Variants in SPTY2D1 observed in about 807,000 individuals in gnomAD.
SPTY2D1 encodes SPT2 chromatin protein domain containing 1, also known as protein SPT2 homolog.
SPTY2D1 carries 21 observed loss-of-function variants against 64.0 expected under a neutral mutation model. That is an observed-to-expected ratio of 0.33 (90% CI 0.23 to 0.47). The LOEUF is 0.47. SPTY2D1 is among the 20% of genes least tolerant of loss of function. SPTY2D1 has a pLI of 1.00. For missense variants in SPTY2D1, 724 were observed against 837.2 expected, an observed-to-expected ratio of 0.86 and a Z score of 1.67; for synonymous variants, 287 against 286.8, an observed-to-expected ratio of 1.00 and a Z score of -0.01.
chr11:18,616,119 A>G, intron 2 of SPTY2D1, 21 bp from the exon 3 acceptor site: 1 of 1,560,832 alleles, frequency 6.4e-7, no homozygotes, highest in East Asian at 2.2e-5. Context: ...CAAAACAAGA[A>G]TATGTTATTA....
chr11:18,614,984 AC>A lies in SPTY2D1; in HGVS notation c.1289del (p.Ser430MetfsTer40). The A allele has an allele frequency of 1.2e-6, 2 of 1,614,154 alleles. No homozygotes were observed. Among genetic ancestry groups the A allele is most frequent in the Non-Finnish European group, 8.5e-7 (1 of 1,180,044 alleles). On this transcript the variant is annotated frameshift_variant, in exon 3 of 6. Transcript: ENST00000336349. LOFTEE classifies it high-confidence loss of function. The part of the protein sequence containing the change: ...NDSNPSRRTV[S>X]GTCGPGQPAS... ...CAGGTTGTCCAGGGCCACATGTACC[AC>A]TGACTGTCCGCCTAGAGGGATTTGA...
At chr11:18,620,445 T>C (rs1051845579) in intron 1 of SPTY2D1, among the ~76,000 whole-genome samples, 1 of 150,980 alleles carries the variant, frequency 6.6e-6, no homozygotes, top group East Asian at 2.0e-4. Flanking sequence ...CGCCACTGCA[T>C]TCCAGCCTGG....
intron 1 of SPTY2D1, among the ~76,000 whole-genome samples, chr11:18,622,100 A>AAAAAAAAAAAAAAAAAAAAAAC (rs1854417961): frequency 2.0e-5 from 3 of 148,314 alleles, no homozygotes; most frequent in African/African-American, 7.4e-5. Context: ...AAAAAAAAAA[A>AAAAAAAAAAAAAAAAAAAAAAC]AAAACCAAAA....
At position 18,634,311 on chromosome 11, in the gene SPTY2D1, C is replaced by T. The variant is rs114733180; in HGVS notation, c.-54G>A. The T allele has an allele frequency of 8.4e-5, 134 of 1,600,050 alleles. No individual in the cohort carries two copies. The highest frequency in any genetic ancestry group is 1.7e-4 in the Middle Eastern group (1 of 6,054). On this transcript the variant is annotated 5_prime_UTR_variant, in exon 1 of 6. Coordinates refer to ENST00000336349, the MANE Select transcript of SPTY2D1 (RefSeq NM_194285.3). ...AGGCACTCGGAAAGGACTGACAGCGCACCTAACCGAGGCGCCCAGCTACAG... is the reference window on the plus strand; with the variant it reads ...AGGCACTCGGAAAGGACTGACAGCGTACCTAACCGAGGCGCCCAGCTACAG...
intron 5 of SPTY2D1, among the ~76,000 whole-genome samples, chr11:18,610,632 C>T (rs1854186598): frequency 6.9e-6 from 1 of 145,764 alleles, no homozygotes; most frequent in Non-Finnish European, 1.5e-5. Flanking sequence ...TGCCACCGCA[C>T]TCCAGCCTTG....
intron 1 of SPTY2D1, among the ~76,000 whole-genome samples, chr11:18,619,398 A>G (rs1590402573): frequency 2.0e-5 from 3 of 150,712 alleles, no homozygotes; most frequent in African/African-American, 7.3e-5. Flanking sequence ...GCGGGAGGAC[A>G]GCTTGAGCCC....
At chr11:18,624,344 A>T (rs770304729) in intron 1 of SPTY2D1, among the ~76,000 whole-genome samples, 29 of 152,198 alleles carry the variant, frequency 1.9e-4, no homozygotes, top group Non-Finnish European at 3.7e-4. Context: ...GCATCCATCA[A>T]TTCTGAATCT....
Position 18,634,303 on chromosome 11 carries a change from T to A in SPTY2D1, c.-46A>T, listed in dbSNP as rs1339192398. The A allele has an allele frequency of 1.9e-6, 3 of 1,606,630 alleles. No individual in the cohort carries two copies. The South Asian group carries it at 3.3e-5, about 18-fold the overall frequency. ...ACTGGGCCAGGCACTCGGAAAGGAC[T>A]GACAGCGCACCTAACCGAGGCGCCC... is the stretch of plus-strand genomic sequence containing the variant. On this transcript the variant is annotated 5_prime_UTR_variant, in exon 1 of 6. Coordinates refer to ENST00000336349, the MANE Select transcript of SPTY2D1 (RefSeq NM_194285.3).
chr11:18,621,348 AAGAAAAGAAAAGAAAAGAAAAG>A (rs886370773), intron 1 of SPTY2D1, among the ~76,000 whole-genome samples: 2 of 151,094 alleles, frequency 1.3e-5, no homozygotes, highest in Non-Finnish European at 3.0e-5. Context: ...AAGAAAAGAA[AAGAAAAGAAAAGAAAAGAAAAG>A]AAAAGAAACA....
chr11:18,625,885 G>A (rs936733205), intron 1 of SPTY2D1, among the ~76,000 whole-genome samples: 38 of 149,090 alleles, frequency 2.5e-4, no homozygotes, highest in African/African-American at 6.4e-4. Context: ...GCGTGGTCTC[G>A]GCTCACTGCA....
rs556623216 is a variant in SPTY2D1, at chr11:18,610,860, C to A, written c.1964+617G>T. ...GATGTGTCTGATGCAGAAAGAAAAG[C>A]AAGAATTTGCTACAACAGGATTAGG... On this transcript the variant is annotated intron_variant, in intron 5 of 5. Coordinates refer to ENST00000336349, the MANE Select transcript of SPTY2D1 (RefSeq NM_194285.3). Among the ~76,000 whole-genome samples, 7 of 152,208 alleles carry A rather than the reference C, an allele frequency of 4.6e-5. No individual in the cohort carries two copies. The South Asian group carries it at 1.5e-3, about 32-fold the overall frequency.
At chr11:18,617,233 T>G (rs1418599624) in intron 1 of SPTY2D1, among the ~76,000 whole-genome samples, 3 of 152,108 alleles carry the variant, frequency 2.0e-5, no homozygotes, top group African/African-American at 7.2e-5. Context: ...AAATGAACAA[T>G]TCACAGAAAC....
At chr11:18,617,649 A>AAT (rs1854322564) in intron 1 of SPTY2D1, among the ~76,000 whole-genome samples, 1 of 130,830 alleles carries the variant, frequency 7.6e-6, no homozygotes, top group Non-Finnish European at 1.7e-5. Flanking sequence ...AAAAAAAAAA[A>AAT]ATCTGATTTA....
rs775338427 is a variant in SPTY2D1, at chr11:18,611,535, A to G, written c.1906T>C (p.Tyr636His). 10 of 1,613,834 alleles carry G rather than the reference A, an allele frequency of 6.2e-6. No homozygotes were observed. Among genetic ancestry groups the G allele is most frequent in the Non-Finnish European group, 8.5e-6 (10 of 1,179,986 alleles). Reference protein sequence around the residue: ...DRKKYKDESDYALRYMESSWK... With the variant: ...DRKKYKDESDHALRYMESSWK... Reference sequence around the variant, plus strand: ...CTACTTTCCATGTAACGTAAGGCATAATCACTTTCATCTTTGTATCTGATA... The same window carrying G: ...CTACTTTCCATGTAACGTAAGGCATGATCACTTTCATCTTTGTATCTGATA... The change falls in exon 5 of 6, where the codon TAT (tyrosine) becomes CAT (histidine). Residue 636 changes from tyrosine (Y) to histidine (H), a missense_variant. Around this residue, in one of 3 missense-constraint regions of SPTY2D1, gnomAD observed 119 missense variants for 172.9 expected, o/e 0.69. Coordinates refer to ENST00000336349, the MANE Select transcript of SPTY2D1 (RefSeq NM_194285.3).
Position 18,627,648 on chromosome 11 carries a change from G to C in SPTY2D1, c.60+6550C>G, listed in dbSNP as rs111597750. ...AATTCCACCACTTTGGGAGGCCGAG[G>C]GGGGTGGATCATGAGGTTAGGAGAT... On this transcript the variant is annotated intron_variant, in intron 1 of 5. Coordinates refer to ENST00000336349, the MANE Select transcript of SPTY2D1 (RefSeq NM_194285.3). Among the ~76,000 whole-genome samples the C allele has an allele frequency of 7.1e-3, 1,074 of 152,266 alleles. 15 individuals carry two copies. The highest frequency in any genetic ancestry group is 0.025 in the African/African-American group (1,028 of 41,550).
chr11:18,628,238 C>A (rs545107923), intron 1 of SPTY2D1, among the ~76,000 whole-genome samples: 32 of 152,334 alleles, frequency 2.1e-4, no homozygotes, highest in African/African-American at 7.2e-4. Flanking sequence ...ATAAAAGATT[C>A]TCAGATCTCT....
chr11:18,616,074 TCTTTTCTC>T lies in SPTY2D1; in HGVS notation c.192_199del (p.Arg65GlyfsTer8). ...CTCAATTCGCTTTTTCACTAGTTCC[TCTTTTCTC>T]CTTTTCTCCTCTAAGGCTAAAAGGG... On this transcript the variant is annotated frameshift_variant, in exon 3 of 6. Transcript: ENST00000336349. LOFTEE classifies it high-confidence loss of function. 6.2e-7 allele frequency: 1 copy of T among 1,609,568 alleles called. No homozygotes were observed. The highest frequency in any genetic ancestry group is 8.5e-7 in the Non-Finnish European group (1 of 1,177,920).
In SPTY2D1 at chr11:18,612,629, C is replaced by CA; in HGVS notation, c.1712-142dup. 1 of 601,984 alleles carries CA rather than the reference C, an allele frequency of 1.7e-6. No homozygotes were observed. The allele number at this position is 601,984 out of a possible 1,614,324, so 37.3% of individuals were successfully genotyped here. ...AGGCTGGCCCTTAGCGCAGAGCCAT[C>CA]ATCCTTGCTGTGTCATGGTATCCAG... On this transcript the variant is annotated intron_variant, in intron 3 of 5. Coordinates refer to ENST00000336349, the MANE Select transcript of SPTY2D1 (RefSeq NM_194285.3). This position sits in a 1 kb window ranked among gnomAD's most constrained non-coding sequence, Gnocchi z 4.6.
In SPTY2D1 at chr11:18,610,686, A is replaced by AC. The variant is rs1554987435; in HGVS notation, c.1965-733_1965-732insG. Among the ~76,000 whole-genome samples the AC allele has an allele frequency of 9.0e-3, 1,324 of 147,180 alleles. 12 individuals are homozygous for AC. The highest frequency in any genetic ancestry group is 0.015 in the Non-Finnish European group (1,021 of 66,506). On this transcript the variant is annotated intron_variant, in intron 5 of 5. Transcript: ENST00000336349. ...GTCTCTTAAAAAAAAAAAAAAAAAA[A>AC]AACAACAATACTATAAACAAAGTAA...
Sources: gnomAD v4.1 joint callset for allele counts (sites outside exome capture counted in the v4.1 genomes callset) on GRCh38, gnomAD v4.1.1 for gene constraint, gnomAD v4.1.1 regional missense constraint, Gnocchi (gnomAD v3.1) non-coding constraint, MANE v1.5 for transcripts, NCBI Gene and HGNC (gene_info 2026-07-23, HGNC 2026-07-21) for gene names.